Variants in LVRN observed in about 807,000 individuals in gnomAD.
LVRN encodes laeverin.
A neutral mutation model predicts 111.4 loss-of-function variants in LVRN; 99 were observed. The ratio of observed to expected loss-of-function variants is 0.89; its 90% CI spans 0.76 to 1.05. The LOEUF (loss-of-function observed/expected upper bound fraction) is 1.05, where lower values mean the gene tolerates loss of function less well. Among genes scored for constraint, LVRN ranks in the 50% least tolerant of loss-of-function variants. LVRN has a pLI of 0.00. For missense variants in LVRN, 1,414 were observed against 1,206.8 expected, an observed-to-expected ratio of 1.17 and a Z score of -2.54; for synonymous variants, 488 against 449.5, an observed-to-expected ratio of 1.09 and a Z score of -1.08.
At position 115,987,899 on chromosome 5, in the gene LVRN, G is replaced by A; in HGVS notation, c.1065G>A (p.Leu355=). 6.2e-7 allele frequency: 1 copy of A among 1,613,104 alleles called. No homozygotes were observed. The highest frequency in any genetic ancestry group is 1.7e-5 in the Admixed American group (1 of 59,854). The change falls in exon 4 of 20, where the codon CTG becomes CTA. Residue 355 remains leucine, a synonymous_variant. Coordinates refer to ENST00000357872, the MANE Select transcript of LVRN (RefSeq NM_173800.5). ...LNITGPIFSF[L]EDLFNISYSL... Reference sequence around the variant, plus strand: ...TCACAGGTCCCATCTTCTCTTTTCTGGAGGATTTGTTTAATATCAGTTACT... The same window carrying A: ...TCACAGGTCCCATCTTCTCTTTTCTAGAGGATTTGTTTAATATCAGTTACT...
chr5:116,024,120 T>C (rs1188686440), intron 19 of LVRN, among the ~76,000 whole-genome samples: 2 of 152,130 alleles, frequency 1.3e-5, no homozygotes, highest in African/African-American at 4.8e-5. Context: ...AGGACCCTTT[T>C]TTGGGTAGAA....
chr5:116,013,615 A>G (rs1231795958), intron 15 of LVRN, among the ~76,000 whole-genome samples: 3 of 151,962 alleles, frequency 2.0e-5, no homozygotes, highest in Non-Finnish European at 4.4e-5. Context: ...GCGGACCTCC[A>G]CCCTTGCACA....
chr5:116,000,725 G>A (rs557133581), intron 9 of LVRN, 67 bp downstream of exon 9: 60 of 1,532,738 alleles, frequency 3.9e-5, no homozygotes, highest in Non-Finnish European at 5.0e-5. Flanking sequence ...AAGACTGGGA[G>A]GCCATGGGTG....
chr5:116,000,759 G>A (rs1269420978), intron 9 of LVRN, 101 bp downstream of exon 9: 2 of 1,300,868 alleles, frequency 1.5e-6, no homozygotes, highest in Admixed American at 2.0e-5. Flanking sequence ...CAGGAAAACA[G>A]CTTTGTCTTG....
intron 4 of LVRN, among the ~76,000 whole-genome samples, chr5:115,989,656 C>A (rs1428656054): frequency 6.6e-6 from 1 of 152,156 alleles, no homozygotes; most frequent in Admixed American, 6.5e-5. Flanking sequence ...ATACATGTGA[C>A]TAGTTCAGTA....
At chr5:115,965,908 T>A (rs1753191753) in intron 1 of LVRN, among the ~76,000 whole-genome samples, 1 of 152,210 alleles carries the variant, frequency 6.6e-6, no homozygotes, top group South Asian at 2.1e-4. Flanking sequence ...TCTTGGGTAT[T>A]TCTTCATAGC....
intron 19 of LVRN, among the ~76,000 whole-genome samples, chr5:116,024,159 C>G (rs1269062398): frequency 6.6e-6 from 1 of 152,044 alleles, no homozygotes; most frequent in Non-Finnish European, 1.5e-5. Flanking sequence ...TATATGGTTT[C>G]AAAGGGGTAC....
intron 7 of LVRN, 88 bp downstream of exon 7, chr5:115,999,990 AC>A (rs1167246113): frequency 1.5e-6 from 2 of 1,366,626 alleles, no homozygotes; most frequent in East Asian, 4.7e-5. Flanking sequence ...TCATCATACA[AC>A]TTAAAACATT....
At chr5:115,963,578 G>A (rs1325917790) in intron 1 of LVRN, among the ~76,000 whole-genome samples, 1 of 152,100 alleles carries the variant, frequency 6.6e-6, no homozygotes, top group East Asian at 1.9e-4. Flanking sequence ...TACCCATTAG[G>A]TATATCTCCC....
At chr5:115,971,542 A>G (rs781237222) in intron 1 of LVRN, among the ~76,000 whole-genome samples, 40 of 152,226 alleles carry the variant, frequency 2.6e-4, no homozygotes, top group African/African-American at 9.4e-4. Context: ...TGGACATTCA[A>G]CTGTACCACT....
rs542560279 is a variant in LVRN at position 115,976,714 on chromosome 5, T to A, written c.696-6573T>A. ...ACTCCTGTGTTATTTAGAACTGCATTATTTGCTTTCCAAATGTTTCAGCAT... is the reference window on the plus strand; with the variant it reads ...ACTCCTGTGTTATTTAGAACTGCATAATTTGCTTTCCAAATGTTTCAGCAT... On this transcript the variant is annotated intron_variant, in intron 1 of 19. Coordinates refer to ENST00000357872, the MANE Select transcript of LVRN (RefSeq NM_173800.5). 3.3e-5 allele frequency among the ~76,000 whole-genome samples: 5 copies of A among 152,366 alleles called. No individual in the cohort carries two copies. In the East Asian group the frequency reaches 9.6e-4, roughly 29 times the overall value.
At position 116,026,105 on chromosome 5, in the gene LVRN, G is replaced by A. The variant is rs1320365686; in HGVS notation, c.2960G>A (p.Arg987Lys). ...KLSARIAAWL[R>K]RNT ...AGTGCCAGGATAGCTGCGTGGCTAA[G>A]GAGAAACACATAGCTTGTGGCTATC... is the stretch of plus-strand genomic sequence containing the variant. The change falls in exon 20 of 20, where the codon AGG becomes AAG. Residue 987 changes from arginine to lysine, a missense_variant. By Grantham distance (26) the Arg-to-Lys change is conservative (BLOSUM62 2). Coordinates refer to ENST00000357872, the MANE Select transcript of LVRN (RefSeq NM_173800.5). 1 of 1,613,776 alleles carries A rather than the reference G, an allele frequency of 6.2e-7. No individual in the cohort carries two copies. Among genetic ancestry groups the A allele is most frequent in the Non-Finnish European group, 8.5e-7 (1 of 1,179,792 alleles).
At chr5:115,978,822 G>C (rs1420365572) in intron 1 of LVRN, among the ~76,000 whole-genome samples, 2 of 152,038 alleles carry the variant, frequency 1.3e-5, no homozygotes, top group Non-Finnish European at 2.9e-5. Context: ...TGGGGCTGGG[G>C]GTGACAGGGA....
chr5:115,991,768 C>G (rs1033766476), intron 4 of LVRN, among the ~76,000 whole-genome samples: 5 of 152,176 alleles, frequency 3.3e-5, no homozygotes, highest in African/African-American at 4.8e-5. Context: ...TGATGTTGAG[C>G]ATCTTTTCAT....
intron 19 of LVRN, among the ~76,000 whole-genome samples, chr5:116,023,968 A>T (rs189125376): frequency 2.0e-5 from 3 of 152,360 alleles, no homozygotes; most frequent in East Asian, 1.9e-4. Context: ...TGAAATTTTT[A>T]AAATTTGTGT....
Position 116,001,143 on chromosome 5 carries a change from G to A in LVRN, c.1724G>A (p.Gly575Asp). The A allele has an allele frequency of 1.2e-6, 2 of 1,613,892 alleles. No individual in the cohort carries two copies. Among genetic ancestry groups the A allele is most frequent in the Non-Finnish European group, 1.7e-6 (2 of 1,179,960 alleles). Residue 575 changes from glycine to aspartate, a missense_variant, in exon 10 of 20, where the codon GGT becomes GAT. Physicochemically the swap from Gly to Asp is moderately conservative, Grantham distance 94. Transcript: ENST00000357872. Reference sequence around the variant, plus strand: ...ATGGACAGTTGGACACACCAGAGTGGTTTTCCAGTGATCACTTTAAATGTG... The same window carrying A: ...ATGGACAGTTGGACACACCAGAGTGATTTTCCAGTGATCACTTTAAATGTG... ...NIMDSWTHQS[G>D]FPVITLNVST...
At chr5:115,978,141 A>G (rs1753485696) in intron 1 of LVRN, among the ~76,000 whole-genome samples, 1 of 152,186 alleles carries the variant, frequency 6.6e-6, no homozygotes, top group Non-Finnish European at 1.5e-5. Context: ...TGATTAGGGT[A>G]TGACACACAA....
At chr5:115,993,668 A>G (rs1748044254) in intron 5 of LVRN, 73 bp from the exon 6 acceptor site, 2 of 930,798 alleles carry the variant, frequency 2.1e-6, no homozygotes, top group East Asian at 5.3e-5. Context: ...CATTTACTTA[A>G]CATGCAATTA....
chr5:115,996,108 T>A (rs1195033412), intron 6 of LVRN, among the ~76,000 whole-genome samples: 1 of 152,228 alleles, frequency 6.6e-6, no homozygotes, highest in Non-Finnish European at 1.5e-5. Context: ...CATCTTTAAC[T>A]TCTTTTGAAA....
Sources: allele counts gnomAD v4.1 joint callset (sites outside exome capture counted in the v4.1 genomes callset), GRCh38; gene constraint gnomAD v4.1.1; transcripts MANE v1.5; gene names NCBI Gene and HGNC (gene_info 2026-07-23, HGNC 2026-07-21).